The following IQCM variants were observed in gnomAD, a reference collection of about 807,000 sequenced individuals.
IQCM encodes the protein IQ motif containing M.
Under a neutral mutation model 57.6 loss-of-function variants are expected in IQCM, and 45 were observed. That is an observed-to-expected ratio of 0.78 (90% CI 0.62 to 1.00). The LOEUF (loss-of-function observed/expected upper bound fraction) is 1.00, where lower values mean the gene tolerates loss of function less well. IQCM is among the 50% of genes least tolerant of loss of function. The pLI is 0.00. For synonymous variants in IQCM, 148 were observed against 158.9 expected (o/e 0.93, Z 0.51); for missense variants, 468 against 511.6 (o/e 0.91, Z 0.82).
At chr4:149,581,009 G>A (rs1579569572) in intron 9 of IQCM, among the ~76,000 whole-genome samples, 1 of 151,786 alleles carries the variant, frequency 6.6e-6, no homozygotes, top group East Asian at 1.9e-4. Context: ...TATTCCAGTA[G>A]AATAGATCAA....
chr4:149,733,204 C>T (rs542528552), intron 5 of IQCM, 40 bp downstream of exon 5: 207 of 1,227,466 alleles, frequency 1.7e-4, no homozygotes, highest in Middle Eastern at 9.4e-4. Context: ...TAGTTTTGTC[C>T]GTGAGTTTGC....
At chr4:149,415,666 T>C (rs751938271) in intron 13 of IQCM, among the ~76,000 whole-genome samples, 1 of 151,726 alleles carries the variant, frequency 6.6e-6, no homozygotes, top group Non-Finnish European at 1.5e-5. Flanking sequence ...AAAAAAGGAG[T>C]CAGGGATGAG....
chr4:149,583,463 T>C (rs892632591), intron 9 of IQCM, among the ~76,000 whole-genome samples: 1 of 151,586 alleles, frequency 6.6e-6, no homozygotes, highest in Non-Finnish European at 1.5e-5. Flanking sequence ...TGTTATATTC[T>C]ATACCTGGAA....
At position 149,655,674 on chromosome 4, in the gene IQCM, C is replaced by T. The variant is rs528318969; in HGVS notation, c.565+26444G>A. The stretch of plus-strand genomic sequence containing the variant: ...AAGAGACAGTAACTATATTGATAAA[C>T]TTGTAAGAATGATTGAAAATGCAAT... On this transcript the variant is annotated intron_variant, in intron 7 of 13. Transcript: ENST00000636793. Among the ~76,000 whole-genome samples the T allele has an allele frequency of 3.3e-5, 5 of 152,096 alleles. No individual in the cohort carries two copies. In the East Asian group the frequency reaches 9.7e-4, roughly 29 times the overall value.
At chr4:149,674,796 G>A (rs897102470) in intron 7 of IQCM, among the ~76,000 whole-genome samples, 1 of 152,038 alleles carries the variant, frequency 6.6e-6, no homozygotes, top group Non-Finnish European at 1.5e-5. Context: ...TAAACTTGTG[G>A]AATCATCAGC....
intron 10 of IQCM, among the ~76,000 whole-genome samples, chr4:149,553,745 G>GT (rs923118099): frequency 2.6e-5 from 4 of 151,966 alleles, no homozygotes; most frequent in African/African-American, 9.7e-5. Flanking sequence ...GCTTTTTAAG[G>GT]TTTTTTTGTT....
At chr4:149,396,984 T>C (rs1732274767) in intron 13 of IQCM, among the ~76,000 whole-genome samples, 1 of 152,000 alleles carries the variant, frequency 6.6e-6, no homozygotes, top group Non-Finnish European at 1.5e-5. Context: ...TCTTGGCTAT[T>C]GTGAATCATG....
chr4:149,681,461 A>C (rs1356722906), intron 7 of IQCM, among the ~76,000 whole-genome samples: 1 of 151,230 alleles, frequency 6.6e-6, no homozygotes, highest in Non-Finnish European at 1.5e-5. Flanking sequence ...TTTGGAAGTG[A>C]GCTTCCACTT....
chr4:149,808,815 G>A (rs532746298), intron 2 of IQCM, among the ~76,000 whole-genome samples: 13 of 152,154 alleles, frequency 8.5e-5, no homozygotes, highest in Non-Finnish European at 1.3e-4. Context: ...ATTTAGAAGG[G>A]TATGACTGTA....
Position 149,563,701 on chromosome 4 carries a change from T to C in IQCM, c.939A>G (p.Val313=). 8.1e-7 allele frequency: 1 copy of C among 1,231,828 alleles called. No homozygotes were observed. The highest frequency in any genetic ancestry group is 4.1e-5 in the South Asian group (1 of 24,306). 76.3% of individuals were successfully genotyped at this position (1,231,828 alleles called of 1,614,324 possible). The stretch of plus-strand genomic sequence containing the variant: ...CTGATGGATATCTTACCTTGGTCAT[T>C]ACTCTTTGCAATCTTTTCCGTTCAA... ...GWLERKRLQR[V]MTKALDHGPD... The change falls in exon 10 of 14, where the codon GTA becomes GTG. Residue 313 remains valine (V), a synonymous_variant. Transcript: ENST00000636793.
rs1771445823 is a variant in IQCM at position 149,779,889 on chromosome 4, A to C, written c.-49+35422T>G. The stretch of plus-strand genomic sequence containing the variant: ...CTTATACTACGCTGTTTGTGCAACT[A>C]ATTAAATTTTTACTGCATTTTGCCT... On this transcript the variant is annotated intron_variant, in intron 2 of 13. Transcript: ENST00000636793. 2.0e-5 allele frequency among the ~76,000 whole-genome samples: 3 copies of C among 152,274 alleles called. No individual in the cohort carries two copies. In the South Asian group the frequency reaches 6.2e-4, roughly 32 times the overall value.
At chr4:149,730,044 G>T (rs1334865381) in intron 5 of IQCM, among the ~76,000 whole-genome samples, 2 of 152,234 alleles carry the variant, frequency 1.3e-5, no homozygotes, top group East Asian at 3.9e-4. Flanking sequence ...AAGCTACAAA[G>T]CTCAGTAGGT....
chr4:149,560,725 C>T (rs2359571), intron 10 of IQCM, among the ~76,000 whole-genome samples: 115,205 of 152,092 alleles, frequency 0.76, 44,095 homozygotes, highest in South Asian at 0.9. Flanking sequence ...AATTTCAAAC[C>T]AAATTTTTCA....
chr4:149,753,725 T>G (rs1228989131), intron 2 of IQCM, among the ~76,000 whole-genome samples: 3 of 141,006 alleles, frequency 2.1e-5, no homozygotes, highest in Non-Finnish European at 3.0e-5. Flanking sequence ...GAACTTAAAG[T>G]ATAATAAAAA....
chr4:149,449,710 G>C (rs1422083987), intron 12 of IQCM, among the ~76,000 whole-genome samples: 1 of 151,104 alleles, frequency 6.6e-6, no homozygotes, highest in African/African-American at 2.4e-5. Flanking sequence ...AATTGAAGAG[G>C]CCACCAAAAA....
intron 7 of IQCM, among the ~76,000 whole-genome samples, chr4:149,642,702 T>A (rs1758299750): frequency 6.6e-6 from 1 of 152,166 alleles, no homozygotes; most frequent in East Asian, 1.9e-4. Flanking sequence ...GTACATTAAA[T>A]TTGAGAATGA....
chr4:149,403,727 C>T (rs1306928486), intron 13 of IQCM, among the ~76,000 whole-genome samples: 2 of 151,778 alleles, frequency 1.3e-5, no homozygotes, highest in South Asian at 2.1e-4. Context: ...GGAACAGCTT[C>T]GAGGATTCAG....
intron 13 of IQCM, among the ~76,000 whole-genome samples, chr4:149,428,546 A>G (rs1734610686): frequency 1.3e-5 from 2 of 151,822 alleles, no homozygotes. Context: ...TAGCTAGTGA[A>G]TAAGTTTCAA....
chr4:149,495,668 GA>G (rs768932911), intron 12 of IQCM, among the ~76,000 whole-genome samples: 9 of 152,208 alleles, frequency 5.9e-5, no homozygotes, highest in Admixed American at 1.3e-4. Flanking sequence ...AATGAACCTT[GA>G]TGGCAAGGTA....
Sources: allele counts gnomAD v4.1 joint callset (sites outside exome capture counted in the v4.1 genomes callset), GRCh38; gene constraint gnomAD v4.1.1; transcripts MANE v1.5; gene names NCBI Gene and HGNC (gene_info 2026-07-23, HGNC 2026-07-21).